Variants in SLIT1 observed in about 807,000 individuals in gnomAD.
The protein encoded by SLIT1 is slit guidance ligand 1.
SLIT1 carries 66 observed loss-of-function variants against 186.1 expected under a neutral mutation model. The ratio of observed to expected loss-of-function variants is 0.35; its 90% CI spans 0.29 to 0.44. The LOEUF is 0.44. SLIT1 is among the 20% of genes least tolerant of loss of function. The pLI is 1.00. For missense variants in SLIT1, 1,638 were observed against 2,037.4 expected, an observed-to-expected ratio of 0.80 and a Z score of 3.77; for synonymous variants, 761 against 833.8, an observed-to-expected ratio of 0.91 and a Z score of 1.50.
At chr10:97,037,857 G>A (rs781442498) in intron 21 of SLIT1, 91 bp from the exon 22 acceptor site, 29 of 1,031,034 alleles carry the variant, frequency 2.8e-5, no homozygotes, top group Non-Finnish European at 3.5e-5. Flanking sequence ...CAGGGACTTC[G>A]CTCTCATTTC....
chr10:97,038,729 G>A (rs910045086), intron 21 of SLIT1, among the ~76,000 whole-genome samples: 1 of 152,106 alleles, frequency 6.6e-6, no homozygotes, highest in Non-Finnish European at 1.5e-5. Context: ...CAAAGCCCCA[G>A]AGAGGAGCAA....
At chr10:97,141,947 G>T (rs762929886) in intron 4 of SLIT1, among the ~76,000 whole-genome samples, 1 of 152,032 alleles carries the variant, frequency 6.6e-6, no homozygotes, top group African/African-American at 2.4e-5. Context: ...CTACAGGTGT[G>T]TACCACCACA....
At chr10:97,018,812 G>GTCCACTTCATTCATTCATTCATTCATTCA in intron 27 of SLIT1, 129 bp from the exon 28 acceptor site, 2 of 660,766 alleles carry the variant, frequency 3.0e-6, no homozygotes, top group Non-Finnish European at 2.6e-6. Context: ...TCATTCATTC[G>GTCCACTTCATTCATTCATTCATTCATTCA]TCCACTTCAT....
At chr10:97,174,856 A>T (rs1263549857) in intron 1 of SLIT1, among the ~76,000 whole-genome samples, 1 of 152,142 alleles carries the variant, frequency 6.6e-6, no homozygotes, top group African/African-American at 2.4e-5. Context: ...AGCTCTTTTT[A>T]AAAAAATAAT....
At chr10:97,042,467 G>T (rs1310635545) in intron 20 of SLIT1, among the ~76,000 whole-genome samples, 1 of 152,022 alleles carries the variant, frequency 6.6e-6, no homozygotes, top group Non-Finnish European at 1.5e-5. Flanking sequence ...AGTGACCAGG[G>T]TTTCCTACAT....
rs777809032 is a variant in SLIT1, at chr10:97,049,009, G to T, written c.1411C>A (p.Arg471Ser). 2.5e-6 allele frequency: 4 copies of T among 1,612,776 alleles called. No homozygotes were observed. The highest frequency in any genetic ancestry group is 1.3e-5 in the African/African-American group (1 of 74,932). The change falls in exon 14 of 37, where the codon CGC becomes AGC. Residue 471 changes from arginine (R) to serine (S), a missense_variant. Arg to Ser is a moderately radical substitution (Grantham distance 110). This residue lies in a region of SLIT1 where 1,245 missense variants were observed against 1,535.3 expected (regional missense o/e 0.81). Transcript: ENST00000266058. Reference protein sequence around the residue: ...TSGARCASPRRLANKRIGQIK... With the variant: ...TSGARCASPRSLANKRIGQIK... ...TGCCCGATGCGCTTGTTGGCGAGGC[G>T]CCGGGGACTGGCACAGCGGGCACCA...
rs1348413914 is a variant in SLIT1 at position 97,037,742 on chromosome 10, C to T, written c.2322G>A (p.Thr774=). 2.5e-6 allele frequency: 4 copies of T among 1,608,490 alleles called. No individual in the cohort carries two copies. The highest frequency in any genetic ancestry group is 1.1e-5 in the South Asian group (1 of 90,776). ...TELYLDGNQF[T]LVPGQLSTFK... ...AGGTAGACAGCTGTCCCGGAACCAG[C>T]GTGAACTGGTTCCCGTCCAAATAGC... Residue 774 remains threonine, a synonymous_variant, in exon 22 of 37, where the codon ACG becomes ACA. Coordinates refer to ENST00000266058, the MANE Select transcript of SLIT1 (RefSeq NM_003061.3).
intron 1 of SLIT1, among the ~76,000 whole-genome samples, chr10:97,181,813 AG>A (rs1232903008): frequency 6.6e-6 from 1 of 152,198 alleles, no homozygotes; most frequent in Non-Finnish European, 1.5e-5. Flanking sequence ...TCTCTGCACA[AG>A]GGGAACCTTC....
chr10:97,177,114 T>C (rs1850266393), intron 1 of SLIT1, among the ~76,000 whole-genome samples: 1 of 152,174 alleles, frequency 6.6e-6, no homozygotes. Context: ...CAGGAGATCC[T>C]TATTCCCACC....
chr10:97,012,600 C>T (rs189984103), intron 30 of SLIT1, among the ~76,000 whole-genome samples: 159 of 152,342 alleles, frequency 1.0e-3, no homozygotes, highest in Middle Eastern at 3.4e-3. Context: ...CCAAGGAGGG[C>T]GCATGCTGCC....
At chr10:97,098,632 G>T (rs1849316963) in intron 4 of SLIT1, among the ~76,000 whole-genome samples, 1 of 152,204 alleles carries the variant, frequency 6.6e-6, no homozygotes, top group Non-Finnish European at 1.5e-5. Flanking sequence ...GTAAGGGAGG[G>T]GAACTTGAAC....
At chr10:97,054,171 T>C (rs1019679642) in intron 13 of SLIT1, among the ~76,000 whole-genome samples, 3 of 147,694 alleles carry the variant, frequency 2.0e-5, no homozygotes, top group Admixed American at 6.7e-5. Flanking sequence ...GGATCCCTCA[T>C]GAATGGCTTG....
At chr10:97,031,725 C>T (rs1197709995) in intron 23 of SLIT1, 48 bp from the exon 24 acceptor site, 41 of 1,459,206 alleles carry the variant, frequency 2.8e-5, no homozygotes, top group Non-Finnish European at 3.7e-5. Context: ...GTGCCTGGCC[C>T]CTGTGGGCAC....
In SLIT1 at chr10:97,014,041, G is replaced by A; in HGVS notation, c.3087C>T (p.Cys1029=). The A allele has an allele frequency of 6.2e-7, 1 of 1,613,676 alleles. No homozygotes were observed. Among genetic ancestry groups the A allele is most frequent in the Non-Finnish European group, 8.5e-7 (1 of 1,180,004 alleles). ...TACCCTCATACTGCAGGGGGCACTG[G>A]CAGGTGTAGTTGCCCACACCATCCA... ...VCVDGVGNYT[C]QCPLQYEGKA... Residue 1029 remains cysteine, a synonymous_variant, in exon 29 of 37, where the codon TGC becomes TGT. Coordinates refer to ENST00000266058, the MANE Select transcript of SLIT1 (RefSeq NM_003061.3).
intron 4 of SLIT1, among the ~76,000 whole-genome samples, chr10:97,078,503 C>G (rs551782117): frequency 1.3e-5 from 2 of 152,188 alleles, no homozygotes; most frequent in Non-Finnish European, 2.9e-5. Context: ...ACTGAGCATG[C>G]GTTCCCCCAA....
intron 3 of SLIT1, among the ~76,000 whole-genome samples, chr10:97,160,856 G>A (rs1850015824): frequency 6.6e-6 from 1 of 152,174 alleles, no homozygotes; most frequent in Non-Finnish European, 1.5e-5. Context: ...GAGTAGCTGG[G>A]ATTACAGGCA....
intron 35 of SLIT1, 80 bp from the exon 36 acceptor site, chr10:97,002,449 G>A: frequency 8.9e-7 from 1 of 1,122,402 alleles, no homozygotes; most frequent in Non-Finnish European, 1.2e-6. Context: ...ACCTGACACA[G>A]CCCACCCCAC....
intron 1 of SLIT1, among the ~76,000 whole-genome samples, chr10:97,183,746 C>T (rs1317134042): frequency 1.3e-5 from 2 of 152,084 alleles, no homozygotes; most frequent in African/African-American, 4.8e-5. Flanking sequence ...AGAAGAAGGG[C>T]TAATGTGTCT....
chr10:97,064,333 C>T, intron 6 of SLIT1, 94 bp from the exon 7 acceptor site: 1 of 994,292 alleles, frequency 1.0e-6, no homozygotes. Context: ...GGCTCTCGAC[C>T]TTAAAGTGAC....
Sources: gnomAD v4.1 joint callset for allele counts (sites outside exome capture counted in the v4.1 genomes callset) on GRCh38, gnomAD v4.1.1 for gene constraint, gnomAD v4.1.1 regional missense constraint, MANE v1.5 for transcripts, NCBI Gene and HGNC (gene_info 2026-07-23, HGNC 2026-07-21) for gene names.